Variants in ANO3 observed in about 807,000 individuals in gnomAD.
ANO3 encodes the protein anoctamin-3.
ANO3 carries 99 observed loss-of-function variants against 144.8 expected under a neutral mutation model. That is an observed-to-expected ratio of 0.68 (90% CI 0.58 to 0.81). The LOEUF (loss-of-function observed/expected upper bound fraction) is 0.81. ANO3 is among the 30% of genes least tolerant of loss of function. The pLI, the probability that ANO3 is intolerant of heterozygous loss-of-function variation, is 0.00. For missense variants in ANO3, 905 were observed against 1,202.2 expected, an observed-to-expected ratio of 0.75 and a Z score of 3.66; for synonymous variants, 414 against 392.6, an observed-to-expected ratio of 1.05 and a Z score of -0.64.
At chr11:26,498,093 A>T (rs1861039133) in intron 4 of ANO3, among the ~76,000 whole-genome samples, 1 of 151,976 alleles carries the variant, frequency 6.6e-6, no homozygotes, top group Admixed American at 6.6e-5. Context: ...TTTCCTGATG[A>T]TGTCTTTTAG....
chr11:26,600,862 T>G (rs778313977), intron 17 of ANO3, among the ~76,000 whole-genome samples: 1 of 152,068 alleles, frequency 6.6e-6, no homozygotes, highest in African/African-American at 2.4e-5. Flanking sequence ...TATTTTTATG[T>G]GCTAGTTACT....
upstream of ANO3, among the ~76,000 whole-genome samples, chr11:26,328,437 AT>A (rs1854946984): frequency 6.6e-6 from 1 of 152,168 alleles, no homozygotes; most frequent in South Asian, 2.1e-4. Flanking sequence ...CACAATTCCA[AT>A]TTTAATTAAG....
chr11:26,445,793 A>G (rs1858679698), intron 3 of ANO3, among the ~76,000 whole-genome samples: 2 of 151,960 alleles, frequency 1.3e-5, no homozygotes, highest in African/African-American at 4.8e-5. Flanking sequence ...TTAGAGTTAG[A>G]TGCATATCTA....
intron 1 of ANO3, among the ~76,000 whole-genome samples, chr11:26,332,905 G>C (rs1365760562): frequency 7.2e-5 from 11 of 152,176 alleles, no homozygotes; most frequent in Non-Finnish European, 7.4e-5. Context: ...TAGGGGCTTC[G>C]TATTATGTCT....
At chr11:26,458,891 G>C (rs1300291291) in intron 3 of ANO3, among the ~76,000 whole-genome samples, 1 of 152,058 alleles carries the variant, frequency 6.6e-6, no homozygotes, top group African/African-American at 2.4e-5. Context: ...TTTTATATGA[G>C]TGTGTGTTTT....
At chr11:26,517,327 A>G (rs1220080634) in intron 6 of ANO3, among the ~76,000 whole-genome samples, 2 of 152,024 alleles carry the variant, frequency 1.3e-5, no homozygotes, top group Admixed American at 1.3e-4. Flanking sequence ...GTCATTAGCA[A>G]GAATCATTTC....
At chr11:26,645,938 A>G (rs185818117) in intron 23 of ANO3, among the ~76,000 whole-genome samples, 35 of 152,312 alleles carry the variant, frequency 2.3e-4, no homozygotes, top group Non-Finnish European at 4.3e-4. Context: ...AGCTTTAGTG[A>G]GCATTTACTA....
At chr11:26,577,126 G>A (rs930546457) in intron 14 of ANO3, among the ~76,000 whole-genome samples, 3 of 152,154 alleles carry the variant, frequency 2.0e-5, no homozygotes, top group African/African-American at 4.8e-5. Flanking sequence ...GCCTTAACTA[G>A]AGATGCAGAA....
intron 24 of ANO3, among the ~76,000 whole-genome samples, chr11:26,650,001 G>GTATCT (rs1054878823): frequency 2.0e-5 from 3 of 152,132 alleles, no homozygotes; most frequent in Admixed American, 2.0e-4. Context: ...GATTGACTGG[G>GTATCT]TATCTAGCAC....
intron 1 of ANO3, among the ~76,000 whole-genome samples, chr11:26,272,842 G>A (rs1417317590): frequency 6.6e-6 from 1 of 152,062 alleles, no homozygotes; most frequent in Non-Finnish European, 1.5e-5. Flanking sequence ...CAAAGGATAG[G>A]GTAACTCTGC....
At chr11:26,457,273 C>T (rs551554802) in intron 3 of ANO3, among the ~76,000 whole-genome samples, 20 of 148,774 alleles carry the variant, frequency 1.3e-4, no homozygotes, top group Non-Finnish European at 2.4e-4. Context: ...CACATGTACC[C>T]TAGAACTTAT....
intron 1 of ANO3, among the ~76,000 whole-genome samples, chr11:26,417,549 A>G (rs960966093): frequency 1.3e-5 from 2 of 152,106 alleles, no homozygotes; most frequent in Non-Finnish European, 2.9e-5. Context: ...GCAACAGAGT[A>G]TAGGAAAATG....
At chr11:26,293,402 A>G (rs1017197626) in intron 1 of ANO3, among the ~76,000 whole-genome samples, 2 of 151,014 alleles carry the variant, frequency 1.3e-5, no homozygotes, top group Admixed American at 6.6e-5. Context: ...TTTTCTCCCA[A>G]CTTACTCAAT....
intron 1 of ANO3, among the ~76,000 whole-genome samples, chr11:26,423,912 A>C (rs1186576948): frequency 6.6e-6 from 1 of 152,010 alleles, no homozygotes; most frequent in African/African-American, 2.4e-5. Context: ...TGTGACTGTA[A>C]GTAAGTAAAT....
intron 1 of ANO3, among the ~76,000 whole-genome samples, chr11:26,236,228 T>C (rs1319006303): frequency 6.6e-6 from 1 of 152,188 alleles, no homozygotes; most frequent in Non-Finnish European, 1.5e-5. Context: ...CTTATACATG[T>C]ACACTTTACT....
intron 17 of ANO3, among the ~76,000 whole-genome samples, chr11:26,612,172 C>A (rs1468696085): frequency 1.3e-5 from 2 of 151,900 alleles, no homozygotes; most frequent in African/African-American, 4.8e-5. Flanking sequence ...GTTTATAGAT[C>A]ATCTGTTCCT....
At chr11:26,380,843 GTGGTGGTGTGT>G (rs1261515829) in intron 1 of ANO3, among the ~76,000 whole-genome samples, 2 of 152,038 alleles carry the variant, frequency 1.3e-5, no homozygotes, top group Non-Finnish European at 2.9e-5. Flanking sequence ...TTAGCCGGTT[GTGGTGGTGTGT>G]GCCTGTAATC....
intron 1 of ANO3, among the ~76,000 whole-genome samples, chr11:26,214,987 A>T (rs1167798698): frequency 6.6e-6 from 1 of 151,910 alleles, no homozygotes; most frequent in Non-Finnish European, 1.5e-5. Flanking sequence ...GACCAGGATT[A>T]TGTATTTTTG....
chr11:26,217,078 C>T (rs1469253815), intron 1 of ANO3, among the ~76,000 whole-genome samples: 1 of 151,962 alleles, frequency 6.6e-6, no homozygotes, highest in Non-Finnish European at 1.5e-5. Context: ...TAAATTCCAA[C>T]TAATCAATTT....
Sources: allele counts gnomAD v4.1 joint callset (sites outside exome capture counted in the v4.1 genomes callset), GRCh38; gene constraint gnomAD v4.1.1; transcripts MANE v1.5; gene names NCBI Gene and HGNC (gene_info 2026-07-23, HGNC 2026-07-21).